TBXAS1: variants seen among roughly 807,000 people sequenced by gnomAD.
TBXAS1 encodes the protein thromboxane A synthase 1.
TBXAS1 carries 48 observed loss-of-function variants against 60.7 expected under a neutral mutation model. That is an observed-to-expected ratio of 0.79 (90% CI 0.63 to 1.01). The LOEUF (loss-of-function observed/expected upper bound fraction) is 1.01, where lower values mean the gene tolerates loss of function less well. Among genes scored for constraint, TBXAS1 ranks in the 50% least tolerant of loss-of-function variants. The probability of loss-of-function intolerance (pLI) is 0.00; values close to 1 mark genes in which losing one functional copy is unlikely to be tolerated. For missense variants in TBXAS1, 685 were observed against 686.3 expected, an observed-to-expected ratio of 1.00 and a Z score of 0.02; for synonymous variants, 287 against 269.7, an observed-to-expected ratio of 1.06 and a Z score of -0.63.
In TBXAS1 at chr7:139,947,304, T is replaced by A. The variant is rs184476635; in HGVS notation, c.451-6064T>A. On this transcript the variant is annotated intron_variant, in intron 5 of 12. Transcript: ENST00000448866. ...CTGGAGGCCATTATCCTCAGCTAAC[T>A]AACACAGGAACAGAAAACCGAACAC... is the stretch of plus-strand genomic sequence containing the variant. 3.5e-3 allele frequency among the ~76,000 whole-genome samples: 531 copies of A among 152,214 alleles called. 4 individuals are homozygous for A. Among genetic ancestry groups the A allele is most frequent in the African/African-American group, 0.012 (514 of 41,500 alleles).
intron 1 of TBXAS1, among the ~76,000 whole-genome samples, chr7:139,866,380 A>G (rs1801419960): frequency 6.6e-6 from 1 of 152,222 alleles, no homozygotes; most frequent in Non-Finnish European, 1.5e-5. Context: ...AGCCATAAAA[A>G]TGATATTTAT....
At chr7:139,947,952 C>T (rs1808872997) in intron 5 of TBXAS1, among the ~76,000 whole-genome samples, 2 of 152,140 alleles carry the variant, frequency 1.3e-5, no homozygotes, top group Admixed American at 6.5e-5. Flanking sequence ...GCAACCTCCA[C>T]CTCCCAAGTT....
chr7:139,822,812 CTGTCA>C (rs149435058), intron 4 of TBXAS1, among the ~76,000 whole-genome samples: 374 of 152,294 alleles, frequency 2.5e-3, no homozygotes, highest in African/African-American at 8.2e-3. Context: ...CTTATTCAGG[CTGTCA>C]TCCCCCACCT....
Position 140,020,009 on chromosome 7 carries a change from A to G in TBXAS1, c.1528-16A>G. On this transcript the variant is annotated splice_polypyrimidine_tract_variant and intron_variant, in intron 12 of 12. Transcript: ENST00000448866. ...TACTATCTCTTTGACAAATATTTTA[A>G]TTTTCTCTATTTTAGGTACCGCTGC... 6.2e-7 allele frequency: 1 copy of G among 1,611,142 alleles called. No individual in the cohort carries two copies. Among genetic ancestry groups the G allele is most frequent in the Non-Finnish European group, 8.5e-7 (1 of 1,178,134 alleles).
At chr7:139,984,204 GCT>G (rs1393499003) in intron 9 of TBXAS1, among the ~76,000 whole-genome samples, 2 of 152,230 alleles carry the variant, frequency 1.3e-5, no homozygotes, top group Admixed American at 1.3e-4. Flanking sequence ...AATAGCATCT[GCT>G]CTGTTAGACT....
chr7:139,971,961 C>T (rs1811226961), intron 9 of TBXAS1, among the ~76,000 whole-genome samples: 1 of 152,162 alleles, frequency 6.6e-6, no homozygotes, highest in African/African-American at 2.4e-5. Flanking sequence ...CCTGGGAGCC[C>T]CTGGTCATCC....
At position 139,859,071 on chromosome 7, in the gene TBXAS1, C is replaced by T. The variant is rs77016157; in HGVS notation, c.90-13164C>T. Among the ~76,000 whole-genome samples the T allele has an allele frequency of 7.5e-3, 1,135 of 152,124 alleles. 20 individuals are homozygous for T. Among genetic ancestry groups the T allele is most frequent in the African/African-American group, 0.026 (1,073 of 41,534 alleles). ...TGTATTTTTAATAGAGGTGGAGTTTCTCCATGTTGGTCAGGCTGGTCTCAA... is the reference window on the plus strand; with the variant it reads ...TGTATTTTTAATAGAGGTGGAGTTTTTCCATGTTGGTCAGGCTGGTCTCAA... On this transcript the variant is annotated intron_variant, in intron 1 of 12. Transcript: ENST00000448866.
At chr7:139,844,673 C>A (rs1443626427) in intron 1 of TBXAS1, among the ~76,000 whole-genome samples, 1 of 152,124 alleles carries the variant, frequency 6.6e-6, no homozygotes, top group African/African-American at 2.4e-5. Flanking sequence ...CCTGGGAACC[C>A]CAGGCTGTAA....
rs1335578138 is a variant in TBXAS1 at position 139,999,874 on chromosome 7, C to T, written c.1135-7217C>T. Among the ~76,000 whole-genome samples the T allele has an allele frequency of 1.3e-5, 2 of 152,156 alleles. No individual in the cohort carries two copies. Among genetic ancestry groups the T allele is most frequent in the Non-Finnish European group, 2.9e-5 (2 of 68,024 alleles). ...CTGAAGCCACCTCTGCTTCTATTTC[C>T]TTTAACAACATAGAAAAATGATAAT... On this transcript the variant is annotated intron_variant, in intron 9 of 12. Coordinates refer to ENST00000448866, the MANE Select transcript of TBXAS1 (RefSeq NM_001061.7). The surrounding 1 kb of genome is among the most constrained non-coding windows in gnomAD (Gnocchi z 4.3).
intron 3 of TBXAS1, among the ~76,000 whole-genome samples, chr7:139,908,070 T>C (rs547622369): frequency 2.0e-5 from 3 of 152,166 alleles, no homozygotes; most frequent in African/African-American, 7.2e-5. Flanking sequence ...TTGTTCGAGG[T>C]TTATCCATTT....
intron 9 of TBXAS1, among the ~76,000 whole-genome samples, chr7:139,964,560 G>T (rs568788887): frequency 6.6e-6 from 1 of 152,322 alleles, no homozygotes; most frequent in South Asian, 2.1e-4. Flanking sequence ...TTAGAGGGAA[G>T]CCCAGCGCTC....
intron 3 of TBXAS1, among the ~76,000 whole-genome samples, chr7:139,895,679 G>A (rs1804032231): frequency 6.6e-6 from 1 of 152,250 alleles, no homozygotes; most frequent in African/African-American, 2.4e-5. Context: ...ATGTCTTGAT[G>A]TCATCACATC....
intron 4 of TBXAS1, among the ~76,000 whole-genome samples, chr7:139,807,172 A>G (rs1276208233): frequency 6.6e-6 from 1 of 152,148 alleles, no homozygotes; most frequent in Non-Finnish European, 1.5e-5. Context: ...GTGGTCTCAG[A>G]GGTCATCAGG....
At chr7:139,788,320 T>C (rs1797265443) in intron 4 of TBXAS1, among the ~76,000 whole-genome samples, 1 of 152,256 alleles carries the variant, frequency 6.6e-6, no homozygotes. Context: ...GTATTTATTC[T>C]CTTCTAACAT....
chr7:139,951,951 A>AAAAG (rs1569518389), intron 5 of TBXAS1, among the ~76,000 whole-genome samples: 1 of 45,420 alleles, frequency 2.2e-5, no homozygotes, highest in African/African-American at 8.8e-5. Flanking sequence ...GAAAGAAAGA[A>AAAAG]AAGAAAGAAA....
chr7:139,814,782 G>A (rs1287060853), intron 4 of TBXAS1, among the ~76,000 whole-genome samples: 3 of 152,198 alleles, frequency 2.0e-5, no homozygotes, highest in Non-Finnish European at 4.4e-5. Context: ...CAGAGTCTCT[G>A]TGTGGTGATC....
intron 2 of TBXAS1, among the ~76,000 whole-genome samples, chr7:139,874,686 A>ACC (rs745849463): frequency 6.6e-4 from 99 of 150,988 alleles, no homozygotes; most frequent in Non-Finnish European, 1.3e-3. Flanking sequence ...ACCATTTGCC[A>ACC]CCCCCCACAC....
intron 5 of TBXAS1, among the ~76,000 whole-genome samples, chr7:139,947,243 G>A (rs1488726483): frequency 6.6e-6 from 1 of 152,158 alleles, no homozygotes; most frequent in Non-Finnish European, 1.5e-5. Context: ...CATAAAAAGG[G>A]ACTAGATTAT....
At chr7:139,894,278 G>C (rs2116949509) in intron 3 of TBXAS1, among the ~76,000 whole-genome samples, 1 of 152,272 alleles carries the variant, frequency 6.6e-6, no homozygotes, top group Non-Finnish European at 1.5e-5. Context: ...GGTGTGGCTG[G>C]GTTGGGGTGG....
Sources: gnomAD v4.1 joint callset for allele counts (sites outside exome capture counted in the v4.1 genomes callset) on GRCh38, gnomAD v4.1.1 for gene constraint, Gnocchi (gnomAD v3.1) non-coding constraint, MANE v1.5 for transcripts, NCBI Gene and HGNC (gene_info 2026-07-23, HGNC 2026-07-21) for gene names.